The following THOC5 variants were observed in gnomAD, a reference collection of about 807,000 sequenced individuals.
THOC5 encodes the protein Fms-interacting protein.
In THOC5, 43 loss-of-function variants were observed where a neutral mutation model predicts 92.9. That is an observed-to-expected ratio of 0.46 (90% CI 0.36 to 0.60). The LOEUF is 0.60. Ranked by LOEUF, THOC5 falls within the 20% of genes least tolerant of loss-of-function variation. The probability of loss-of-function intolerance (pLI) is 0.00; values close to 1 mark genes in which losing one functional copy is unlikely to be tolerated. For synonymous variants in THOC5, 296 were observed against 320.1 expected (o/e 0.92, Z 0.80); for missense variants, 659 against 849.4 (o/e 0.78, Z 2.79).
chr22:29,518,309 A>G (rs1415071651), intron 15 of THOC5, among the ~76,000 whole-genome samples: 1 of 152,200 alleles, frequency 6.6e-6, no homozygotes, highest in Admixed American at 6.6e-5. Context: ...CTGTGATTAC[A>G]GGCAAGAGCC....
intron 19 of THOC5, 98 bp downstream of exon 19, chr22:29,511,008 T>C (rs1191114601): frequency 1.2e-5 from 16 of 1,362,454 alleles, no homozygotes; most frequent in Non-Finnish European, 1.5e-5. Context: ...CAGGGGAAGT[T>C]TCAGGAAGGA....
intron 6 of THOC5, among the ~76,000 whole-genome samples, chr22:29,538,252 G>A (rs1169811005): frequency 6.6e-6 from 1 of 152,148 alleles, no homozygotes; most frequent in Non-Finnish European, 1.5e-5. Context: ...AAAGTGCTGG[G>A]ATTACAGACG....
At chr22:29,519,206 C>A (rs1036556826) in intron 14 of THOC5, 86 bp from the exon 15 acceptor site, 15 of 859,898 alleles carry the variant, frequency 1.7e-5, no homozygotes, top group Non-Finnish European at 2.8e-5. Flanking sequence ...TGCCTGTCTG[C>A]GGCACCCTGG....
At position 29,528,425 on chromosome 22, in the gene THOC5, C is replaced by T. The variant is rs777689516; in HGVS notation, c.966+1G>A. On this transcript the variant is annotated splice_donor_variant, in intron 10 of 19. Coordinates refer to ENST00000490103, the MANE Select transcript of THOC5 (RefSeq NM_003678.5). LOFTEE classifies it high-confidence loss of function. ...CCCCCACAAGAGGAAATGGTTCTCACCGTAGTCTGCTCCTCCTCGGCATCT... is the reference window on the plus strand; with the variant it reads ...CCCCCACAAGAGGAAATGGTTCTCATCGTAGTCTGCTCCTCCTCGGCATCT... The T allele has an allele frequency of 2.5e-6, 4 of 1,613,852 alleles. No homozygotes were observed. Among genetic ancestry groups the T allele is most frequent in the Non-Finnish European group, 3.4e-6 (4 of 1,180,022 alleles).
chr22:29,521,359 TAGTA>T (rs920552400), intron 12 of THOC5, among the ~76,000 whole-genome samples: 4 of 152,206 alleles, frequency 2.6e-5, no homozygotes, highest in African/African-American at 9.6e-5. Context: ...ATCACACTGC[TAGTA>T]AGTGCTAGAG....
At chr22:29,519,394 C>T (rs2063395064) in intron 14 of THOC5, among the ~76,000 whole-genome samples, 1 of 152,234 alleles carries the variant, frequency 6.6e-6, no homozygotes, top group Non-Finnish European at 1.5e-5. Context: ...GATTTCTGCT[C>T]ATGCCTCATA....
In THOC5 at chr22:29,536,696, C is replaced by A. The variant is rs1472458078; in HGVS notation, c.642G>T (p.Lys214Asn). Reference sequence around the variant, plus strand: ...TCTTCACCTCAATCTCCTTGAGAATCTTCTCCTTGTTAGATAGGCACTCTC... The same window carrying A: ...TCTTCACCTCAATCTCCTTGAGAATATTCTCCTTGTTAGATAGGCACTCTC... The part of the protein sequence containing the change: ...KYRECLSNKE[K>N]ILKEIEVKKE... Residue 214 changes from lysine to asparagine, a missense_variant, in exon 7 of 20, where the codon AAG (lysine) becomes AAT (asparagine). Lys to Asn is a moderately conservative substitution (Grantham distance 94). Coordinates refer to ENST00000490103, the MANE Select transcript of THOC5 (RefSeq NM_003678.5). The A allele has an allele frequency of 6.2e-7, 1 of 1,613,860 alleles. No individual in the cohort carries two copies. Among genetic ancestry groups the A allele is most frequent in the African/African-American group, 1.3e-5 (1 of 75,048 alleles).
intron 3 of THOC5, 52 bp downstream of exon 3, chr22:29,544,408 C>A: frequency 6.4e-7 from 1 of 1,574,258 alleles, no homozygotes; most frequent in Admixed American, 1.8e-5. Context: ...GCAAAAACAG[C>A]CTCATCTATG....
At chr22:29,538,939 C>T (rs1301988805) in intron 6 of THOC5, among the ~76,000 whole-genome samples, 2 of 151,084 alleles carry the variant, frequency 1.3e-5, no homozygotes, top group East Asian at 1.9e-4. Flanking sequence ...GGTGAAACCC[C>T]ATCTCTACAA....
At chr22:29,529,892 A>G (rs2063618177) in intron 8 of THOC5, among the ~76,000 whole-genome samples, 1 of 152,232 alleles carries the variant, frequency 6.6e-6, no homozygotes, top group Non-Finnish European at 1.5e-5. Context: ...CTGTAATCTC[A>G]GCACTTTGGG....
At position 29,527,070 on chromosome 22, in the gene THOC5, C is replaced by T. The variant is rs1359744185; in HGVS notation, c.1066+1008G>A. Reference sequence around the variant, plus strand: ...TAATTAAGATGTAACTTTAGGGAAGCTGAATGAAGAGTATATAGGAACTCA... The same window carrying T: ...TAATTAAGATGTAACTTTAGGGAAGTTGAATGAAGAGTATATAGGAACTCA... On this transcript the variant is annotated intron_variant, in intron 11 of 19. Coordinates refer to ENST00000490103, the MANE Select transcript of THOC5 (RefSeq NM_003678.5). Among the ~76,000 whole-genome samples the T allele has an allele frequency of 2.6e-5, 4 of 152,112 alleles. No homozygotes were observed. In the East Asian group the frequency reaches 7.7e-4, roughly 29 times the overall value.
intron 2 of THOC5, among the ~76,000 whole-genome samples, chr22:29,546,145 C>T (rs905218145): frequency 1.3e-5 from 2 of 152,242 alleles, no homozygotes; most frequent in African/African-American, 4.8e-5. Context: ...AGATTGGCCC[C>T]TTTCAGCCAT....
intron 8 of THOC5, chr22:29,531,381 T>C (rs1416516064): frequency 1.0e-6 from 1 of 985,244 alleles, no homozygotes; most frequent in Non-Finnish European, 1.2e-6. Flanking sequence ...TGAGGACATA[T>C]CATCTAACCT....
At chr22:29,543,003 A>T in intron 4 of THOC5, 47 bp from the exon 5 acceptor site, 1 of 1,402,718 alleles carries the variant, frequency 7.1e-7, no homozygotes, top group Non-Finnish European at 1.0e-6. Context: ...GTCAGGATGG[A>T]GCAGAGGAGA....
At chr22:29,546,050 G>T (rs1472829330) in intron 2 of THOC5, among the ~76,000 whole-genome samples, 1 of 152,226 alleles carries the variant, frequency 6.6e-6, no homozygotes, top group African/African-American at 2.4e-5. Flanking sequence ...CTCAATTCTT[G>T]ACTTCTGTGC....
At chr22:29,550,713 A>C (rs763145180) in intron 1 of THOC5, 1 of 152,222 alleles carries the variant, frequency 6.6e-6, no homozygotes, top group Non-Finnish European at 1.5e-5. Flanking sequence ...ATCAAATGAG[A>C]ATAACAGTCC....
intron 5 of THOC5, among the ~76,000 whole-genome samples, chr22:29,541,013 T>C (rs2063870200): frequency 2.0e-5 from 3 of 151,988 alleles, no homozygotes; most frequent in African/African-American, 7.3e-5. Flanking sequence ...AGTCAGGAGT[T>C]TGAGACCAGC....
At chr22:29,530,066 C>T (rs2063621665) in intron 8 of THOC5, among the ~76,000 whole-genome samples, 1 of 151,814 alleles carries the variant, frequency 6.6e-6, no homozygotes, top group Non-Finnish European at 1.5e-5. Context: ...TTGCTTGAAT[C>T]CAGGAGGTGG....
intron 12 of THOC5, among the ~76,000 whole-genome samples, chr22:29,525,020 T>A (rs1841435374): frequency 6.6e-6 from 1 of 152,152 alleles, no homozygotes; most frequent in African/African-American, 2.4e-5. Flanking sequence ...TGCCTGGAAT[T>A]CCAGCACTGT....
Sources: allele counts gnomAD v4.1 joint callset (sites outside exome capture counted in the v4.1 genomes callset), GRCh38; gene constraint gnomAD v4.1.1; transcripts MANE v1.5; gene names NCBI Gene and HGNC (gene_info 2026-07-23, HGNC 2026-07-21).